Variants in WDR7 observed in about 807,000 individuals in gnomAD.
The protein encoded by WDR7 is WD repeat-containing protein 7.
In WDR7, 46 loss-of-function variants were observed where a neutral mutation model predicts 169.4. The ratio of observed to expected loss-of-function variants is 0.27; its 90% CI spans 0.21 to 0.35. The LOEUF is 0.35. Ranked by LOEUF, WDR7 falls within the 10% of genes least tolerant of loss-of-function variation. The pLI, the probability that WDR7 is intolerant of heterozygous loss-of-function variation, is 1.00. For synonymous variants in WDR7, 612 were observed against 666.8 expected (o/e 0.92, Z 1.27); for missense variants, 1,534 against 1,859.3 (o/e 0.83, Z 3.22).
At chr18:56,862,080 G>A (rs73958374) in intron 20 of WDR7, among the ~76,000 whole-genome samples, 12 of 151,794 alleles carry the variant, frequency 7.9e-5, no homozygotes, top group East Asian at 1.9e-4. Context: ...CTAAGTATAC[G>A]TAGTAGATGA....
In WDR7 at chr18:57,028,284, T is replaced by C. The variant is rs1474645768; in HGVS notation, c.*1077T>C. ...TATGGCACAAATGTTCAGGAGTGTA[T>C]ATAAAAATATGTGGGCTCTCGATTT... On this transcript the variant is annotated 3_prime_UTR_variant, in exon 28 of 28. Transcript: ENST00000254442. The C allele has an allele frequency of 6.6e-6, 1 of 152,218 alleles. No individual in the cohort carries two copies. Among genetic ancestry groups the C allele is most frequent in the African/African-American group, 2.4e-5 (1 of 41,458 alleles). 9.4% of individuals were successfully genotyped at this position (152,218 alleles called of 1,614,324 possible). A position where few individuals can be genotyped will look rare whatever the true frequency, so the allele number is the denominator to read the frequency against.
intron 13 of WDR7, among the ~76,000 whole-genome samples, chr18:56,722,952 A>G (rs2026356029): frequency 6.6e-6 from 1 of 152,176 alleles, no homozygotes; most frequent in Non-Finnish European, 1.5e-5. Flanking sequence ...TTAGGAAAGA[A>G]AACACTGACA....
chr18:56,727,391 T>C (rs2026483217), intron 13 of WDR7, among the ~76,000 whole-genome samples: 1 of 152,176 alleles, frequency 6.6e-6, no homozygotes, highest in Non-Finnish European at 1.5e-5. Flanking sequence ...ATTCTCATGC[T>C]ACTGTGAATA....
intron 26 of WDR7, among the ~76,000 whole-genome samples, chr18:57,009,595 A>C (rs532360866): frequency 6.6e-6 from 1 of 152,328 alleles, no homozygotes; most frequent in African/African-American, 2.4e-5. Context: ...AAAATTTCTA[A>C]ATCTGTAATG....
intron 21 of WDR7, among the ~76,000 whole-genome samples, chr18:56,887,731 C>T (rs914638189): frequency 1.3e-5 from 2 of 151,690 alleles, no homozygotes; most frequent in Non-Finnish European, 2.9e-5. Context: ...CAGGGATTTT[C>T]AAGACCTTTC....
chr18:56,857,788 A>AT (rs1180735873), intron 20 of WDR7, among the ~76,000 whole-genome samples: 1 of 152,144 alleles, frequency 6.6e-6, no homozygotes, highest in Non-Finnish European at 1.5e-5. Context: ...GAGGCTTTGC[A>AT]TGAAGCAGTA....
At chr18:56,745,986 C>T (rs528904048) in intron 14 of WDR7, among the ~76,000 whole-genome samples, 1 of 152,274 alleles carries the variant, frequency 6.6e-6, no homozygotes, top group Admixed American at 6.5e-5. Context: ...GTGTGTGAGT[C>T]AGGGACAATG....
chr18:56,942,335 A>T (rs895527307), intron 25 of WDR7, among the ~76,000 whole-genome samples: 4 of 152,116 alleles, frequency 2.6e-5, no homozygotes, highest in African/African-American at 9.7e-5. Flanking sequence ...ATCTAAAGGC[A>T]ACTAGGGGTC....
rs1202242239 is a variant in WDR7, at chr18:56,966,547, G to A, written c.4164+4018G>A. Among the ~76,000 whole-genome samples the A allele has an allele frequency of 2.0e-5, 3 of 152,048 alleles. No homozygotes were observed. In the East Asian group the frequency reaches 5.8e-4, roughly 29 times the overall value. ...ATAACACATATAACATACAAGATATGTGTCAAATGACTGGTTTGTGTCAAC... is the reference window on the plus strand; with the variant it reads ...ATAACACATATAACATACAAGATATATGTCAAATGACTGGTTTGTGTCAAC... On this transcript the variant is annotated intron_variant, in intron 26 of 27. Coordinates refer to ENST00000254442, the MANE Select transcript of WDR7 (RefSeq NM_015285.3).
At position 56,944,990 on chromosome 18, in the gene WDR7, C is replaced by T. The variant is rs1343066465; in HGVS notation, c.4064+5597C>T. Among the ~76,000 whole-genome samples, 3 of 152,092 alleles carry T rather than the reference C, an allele frequency of 2.0e-5. No homozygotes were observed. In the East Asian group the frequency reaches 5.8e-4, roughly 29 times the overall value. ...AAGATAAAACCCAAACCTTCTTATTCATCATTGATTATTTTTTATATCTAG... is the reference window on the plus strand; with the variant it reads ...AAGATAAAACCCAAACCTTCTTATTTATCATTGATTATTTTTTATATCTAG... On this transcript the variant is annotated intron_variant, in intron 25 of 27. Transcript: ENST00000254442.
In WDR7 at chr18:57,027,580, T is replaced by A; in HGVS notation, c.*373T>A. On this transcript the variant is annotated 3_prime_UTR_variant, in exon 28 of 28. Coordinates refer to ENST00000254442, the MANE Select transcript of WDR7 (RefSeq NM_015285.3). Reference sequence around the variant, plus strand: ...CAGCCCAGATCAGCATTTTTAGCCATCTCAACCGCACCTCTGAAGTGCTGC... The same window carrying A: ...CAGCCCAGATCAGCATTTTTAGCCAACTCAACCGCACCTCTGAAGTGCTGC... The A allele has an allele frequency of 7.8e-6, 2 of 256,732 alleles. No homozygotes were observed. The highest frequency in any genetic ancestry group is 1.5e-5 in the Non-Finnish European group (2 of 133,870). The allele number at this position is 256,732 out of a possible 1,614,324, so 15.9% of individuals were successfully genotyped here.
rs958765066 is a variant in WDR7 at position 56,898,883 on chromosome 18, G to A, written c.3526+18718G>A. 3.3e-5 allele frequency among the ~76,000 whole-genome samples: 5 copies of A among 152,126 alleles called. No homozygotes were observed. In the South Asian group the frequency reaches 8.3e-4, roughly 25 times the overall value. On this transcript the variant is annotated intron_variant, in intron 21 of 27. Transcript: ENST00000254442. ...ATTTTGATAATCATACAATGGTTAT[G>A]TAAGTTGACCTTAGAAGAATCTGAG...
intron 26 of WDR7, among the ~76,000 whole-genome samples, chr18:57,018,969 C>T (rs2048246762): frequency 6.6e-6 from 1 of 152,122 alleles, no homozygotes; most frequent in Non-Finnish European, 1.5e-5. Context: ...AAGCTGGTTT[C>T]TTGCGCTAAT....
At chr18:57,035,682 CAAG>C in the WDR7 span, 1 of 152,294 alleles carries the variant, frequency 6.6e-6, no homozygotes, top group African/African-American at 2.4e-5. Context: ...CCCCAGGTAT[CAAG>C]GAGGATGACA....
intron 16 of WDR7, among the ~76,000 whole-genome samples, chr18:56,763,712 A>G (rs967834464): frequency 3.3e-5 from 5 of 152,166 alleles, no homozygotes; most frequent in Admixed American, 2.0e-4. Flanking sequence ...GTGAAAGCCC[A>G]GGGGTTTTCT....
chr18:56,831,129 T>C (rs2045301180), intron 20 of WDR7, among the ~76,000 whole-genome samples: 1 of 152,112 alleles, frequency 6.6e-6, no homozygotes, highest in South Asian at 2.1e-4. Context: ...ATCTTTGAAC[T>C]TCAAGGAATT....
At chr18:56,830,870 C>T (rs1020846680) in intron 20 of WDR7, among the ~76,000 whole-genome samples, 12 of 152,182 alleles carry the variant, frequency 7.9e-5, no homozygotes, top group Middle Eastern at 3.2e-3. Flanking sequence ...ACCATCACAG[C>T]TAATTTTTAT....
At chr18:56,819,188 T>C (rs971085620) in intron 20 of WDR7, among the ~76,000 whole-genome samples, 6 of 152,210 alleles carry the variant, frequency 3.9e-5, no homozygotes, top group Non-Finnish European at 5.9e-5. Flanking sequence ...TGTTAGCATT[T>C]GCCTTATCAA....
chr18:56,875,879 G>A (rs916167816), intron 20 of WDR7, among the ~76,000 whole-genome samples: 1 of 152,080 alleles, frequency 6.6e-6, no homozygotes, highest in South Asian at 2.1e-4. Flanking sequence ...ACCACCACTG[G>A]TTCTTATTGT....
Sources: allele counts gnomAD v4.1 joint callset (sites outside exome capture counted in the v4.1 genomes callset), GRCh38; gene constraint gnomAD v4.1.1; transcripts MANE v1.5; gene names NCBI Gene and HGNC (gene_info 2026-07-23, HGNC 2026-07-21).